The following SH3KBP1 variants were observed in gnomAD, a reference collection of about 807,000 sequenced individuals.
SH3KBP1 encodes the protein SH3 domain containing kinase binding protein 1.
SH3KBP1 carries 8 observed loss-of-function variants against 50.1 expected under a neutral mutation model. The ratio of observed to expected loss-of-function variants is 0.16; its 90% CI spans 0.09 to 0.29. The LOEUF (loss-of-function observed/expected upper bound fraction) is 0.29. Among genes scored for constraint, SH3KBP1 ranks in the 10% least tolerant of loss-of-function variants. The pLI is 1.00. For missense variants in SH3KBP1, 377 were observed against 535.2 expected (o/e 0.70, Z 2.92); for synonymous variants, 227 against 218.6 (o/e 1.04, Z -0.34).
At chrX:19,808,190 G>A (rs1446613424) in intron 2 of SH3KBP1, among the ~76,000 whole-genome samples, 1 of 110,809 alleles carries the variant, frequency 9.0e-6, no homozygotes, top group African/African-American at 3.3e-5. Context: ...TCAAGTCTCA[G>A]TCTCTAAAAT....
chrX:19,728,165 G>T (rs1029159591), intron 3 of SH3KBP1, among the ~76,000 whole-genome samples: 7 of 111,533 alleles, frequency 6.3e-5, no homozygotes, highest in Non-Finnish European at 5.6e-5. Flanking sequence ...GACCAGAAGT[G>T]TCTTGGATTT....
intron 1 of SH3KBP1, among the ~76,000 whole-genome samples, chrX:19,872,833 T>TCTCTCTCA (rs1211110008): frequency 5.2e-4 from 50 of 96,502 alleles, no homozygotes; most frequent in African/African-American, 1.8e-3. Flanking sequence ...TCTCTCTCTC[T>TCTCTCTCA]CACACACACA....
intron 3 of SH3KBP1, among the ~76,000 whole-genome samples, chrX:19,743,243 C>T (rs576857632): frequency 1.8e-5 from 2 of 110,517 alleles, no homozygotes; most frequent in Admixed American, 9.6e-5. Context: ...CCCAGCTCTA[C>T]GAAAAATCAG....
chrX:19,785,471 T>TGAG (rs2066317050), intron 2 of SH3KBP1, among the ~76,000 whole-genome samples: 1 of 110,633 alleles, frequency 9.0e-6, no homozygotes, highest in Non-Finnish European at 1.9e-5. Context: ...GAGATTGCAG[T>TGAG]GAGCCAAGAT....
At chrX:19,701,718 T>C (rs780368580) in intron 4 of SH3KBP1, among the ~76,000 whole-genome samples, 2 of 112,225 alleles carry the variant, frequency 1.8e-5, no homozygotes, top group African/African-American at 3.2e-5. Flanking sequence ...CTTGGGTTGA[T>C]AGTTACCTTA....
intron 3 of SH3KBP1, among the ~76,000 whole-genome samples, chrX:19,711,474 T>C (rs762411261): frequency 1.1e-4 from 12 of 111,710 alleles, no homozygotes; most frequent in Admixed American, 6.7e-4. Flanking sequence ...AAAACTTTAC[T>C]AGGCCAATTC....
At chrX:19,819,707 C>CAGAA (rs2067467421) in intron 2 of SH3KBP1, among the ~76,000 whole-genome samples, 1 of 110,869 alleles carries the variant, frequency 9.0e-6, no homozygotes, top group Non-Finnish European at 1.9e-5. Context: ...TTTCTGTTTT[C>CAGAA]ACCTTCAATG....
chrX:19,554,246 ATT>A (rs2065395976), intron 13 of SH3KBP1, among the ~76,000 whole-genome samples: 1 of 81,759 alleles, frequency 1.2e-5, no homozygotes, highest in Non-Finnish European at 2.2e-5. Context: ...TATTATATAT[ATT>A]AAAATATATT....
chrX:19,648,059 C>G, intron 6 of SH3KBP1: 1 of 375,233 alleles, frequency 2.7e-6, no homozygotes, highest in Non-Finnish European at 5.2e-6. Flanking sequence ...TCTTCTCCCT[C>G]TCTTCTCTCT....
rs901533416 is a variant in SH3KBP1 at position 19,775,530 on chromosome X, T to C, written c.163-29089A>G. ...CACGTGCCTGCTTACTCTAACTCAC[T>C]CATTACCAGGGAAAATTGAGTGCCA... On this transcript the variant is annotated intron_variant, in intron 2 of 17. Transcript: ENST00000397821. Among the ~76,000 whole-genome samples the C allele has an allele frequency of 5.4e-5, 6 of 112,048 alleles. No homozygotes were observed. In the East Asian group the frequency reaches 1.1e-3, roughly 21 times the overall value.
intron 6 of SH3KBP1, among the ~76,000 whole-genome samples, chrX:19,662,949 G>A (rs1177220219): frequency 9.1e-6 from 1 of 109,644 alleles, no homozygotes; most frequent in African/African-American, 3.3e-5. Context: ...GTCTATACTT[G>A]GCTGTCATTC....
At chrX:19,707,918 G>A (rs1472551834) in intron 3 of SH3KBP1, among the ~76,000 whole-genome samples, 2 of 112,821 alleles carry the variant, frequency 1.8e-5, no homozygotes, top group Non-Finnish European at 3.7e-5. Context: ...TAGGAAGTGA[G>A]ACCGACATTG....
At chrX:19,572,537 CTCTG>C (rs2066075813) in intron 12 of SH3KBP1, among the ~76,000 whole-genome samples, 1 of 107,956 alleles carries the variant, frequency 9.3e-6, no homozygotes, top group South Asian at 3.8e-4. Flanking sequence ...CTCTCTCTCT[CTCTG>C]TCTATATATA....
chrX:19,618,719 T>C (rs750169776), intron 8 of SH3KBP1, among the ~76,000 whole-genome samples: 3 of 111,746 alleles, frequency 2.7e-5, no homozygotes, highest in Admixed American at 9.6e-5. Flanking sequence ...TTCACGCCTG[T>C]AATCCCAGCA....
At chrX:19,851,330 T>A (rs756194350) in intron 1 of SH3KBP1, among the ~76,000 whole-genome samples, 1 of 111,536 alleles carries the variant, frequency 9.0e-6, no homozygotes, top group Non-Finnish European at 1.9e-5. Flanking sequence ...GAAAAACACT[T>A]AAAATGCAAC....
At chrX:19,536,643 A>G (rs1229187236) in intron 17 of SH3KBP1, among the ~76,000 whole-genome samples, 185 bp from the exon 18 acceptor site, 1 of 112,466 alleles carries the variant, frequency 8.9e-6, no homozygotes, top group Non-Finnish European at 1.9e-5. Flanking sequence ...GAACAGGCAC[A>G]CAGACACGAG....
intron 2 of SH3KBP1, among the ~76,000 whole-genome samples, chrX:19,817,473 T>C (rs2037314459): frequency 8.9e-6 from 1 of 112,015 alleles, no homozygotes; most frequent in East Asian, 2.8e-4. Context: ...TTTGTTGTTT[T>C]CAGCATGCAC....
intron 2 of SH3KBP1, among the ~76,000 whole-genome samples, chrX:19,824,455 G>C (rs2067617309): frequency 9.0e-6 from 1 of 111,050 alleles, no homozygotes; most frequent in Admixed American, 9.6e-5. Flanking sequence ...AGATTCTAAG[G>C]CTTCTATCCC....
chrX:19,789,589 G>A (rs944062747), intron 2 of SH3KBP1, among the ~76,000 whole-genome samples: 8 of 108,689 alleles, frequency 7.4e-5, no homozygotes, highest in African/African-American at 1.7e-4. Flanking sequence ...GGTATCTCTC[G>A]GTGAGCCCTA....
Sources: gnomAD v4.1 joint callset for allele counts (sites outside exome capture counted in the v4.1 genomes callset) on GRCh38, gnomAD v4.1.1 for gene constraint, MANE v1.5 for transcripts, NCBI Gene and HGNC (gene_info 2026-07-23, HGNC 2026-07-21) for gene names.